The following NACAD variants were observed in gnomAD, a reference collection of about 807,000 sequenced individuals.
The protein encoded by NACAD is NAC-alpha domain-containing protein 1.
NACAD carries 47 observed loss-of-function variants against 98.9 expected under a neutral mutation model. The ratio of observed to expected loss-of-function variants is 0.48; its 90% CI spans 0.38 to 0.61. The LOEUF (loss-of-function observed/expected upper bound fraction) is 0.61, where lower values mean the gene tolerates loss of function less well. Among genes scored for constraint, NACAD ranks in the 20% least tolerant of loss-of-function variants. NACAD has a pLI of 0.00. For synonymous variants in NACAD, 696 were observed against 767.2 expected (o/e 0.91, Z 1.53); for missense variants, 1,412 against 1,748.2 (o/e 0.81, Z 3.43).
chr7:45,081,766 A>G lies in NACAD; in HGVS notation c.4174T>C (p.Cys1392Arg). Residue 1392 changes from cysteine to arginine, a missense_variant, in exon 3 of 8, where the codon TGT becomes CGT. Physicochemically the swap from Cys to Arg is radical, Grantham distance 180. Around this residue, in one of 5 missense-constraint regions of NACAD, gnomAD observed 572 missense variants for 639.6 expected, o/e 0.89. Coordinates refer to ENST00000490531, the MANE Select transcript of NACAD (RefSeq NM_001146334.2). ...CCTGGACTGGGCACCTGGGCTGGAC[A>G]CTGCACGGTCTGAGGAGCCAAGATG... is the stretch of plus-strand genomic sequence containing the variant. ...QDILAPQTVQ[C>R]PAQAPAGGSE... is the part of the protein sequence containing the mutation. The G allele has an allele frequency of 1.3e-6, 2 of 1,551,098 alleles. No homozygotes were observed. Among genetic ancestry groups the G allele is most frequent in the Non-Finnish European group, 1.7e-6 (2 of 1,146,974 alleles).
chr7:45,082,125 T>A lies in NACAD; in HGVS notation c.4055A>T (p.Glu1352Val), dbSNP rs565378676. The A allele has an allele frequency of 1.0e-4, 148 of 1,479,288 alleles. 1 individual carries two copies. In the East Asian group the frequency reaches 3.5e-3, roughly 35 times the overall value. 91.6% of individuals were successfully genotyped at this position (1,479,288 alleles called of 1,614,324 possible). A position where few individuals can be genotyped will look rare whatever the true frequency, so the allele number is the denominator to read the frequency against. ...GLSAPEQQEDEDSLEEDSPRA... is the reference protein window; with the variant it reads ...GLSAPEQQEDVDSLEEDSPRA... Reference sequence around the variant, plus strand: ...TGCCTTACCTTCCTCCAGGCTGTCCTCATCCTCTTGCTGCTCGGGGGCTGA... The same window carrying A: ...TGCCTTACCTTCCTCCAGGCTGTCCACATCCTCTTGCTGCTCGGGGGCTGA... The change falls in exon 2 of 8, where the codon GAG becomes GTG. Residue 1352 changes from glutamate (E) to valine (V), a missense_variant. By Grantham distance (121) the Glu-to-Val change is moderately radical. Transcript: ENST00000490531. This position sits in a 1 kb window ranked among gnomAD's most constrained non-coding sequence, Gnocchi z 4.5.
Position 45,082,397 on chromosome 7 carries a change from G to A in NACAD, c.3783C>T (p.Asp1261=), listed in dbSNP as rs543068177. 9.1e-5 allele frequency: 141 copies of A among 1,549,676 alleles called. No individual in the cohort carries two copies. The African/African-American group carries it at 1.7e-3, about 19-fold the overall frequency. The stretch of plus-strand genomic sequence containing the variant: ...GGCCCAGAGAGCCTGGGGGCTCCTC[G>A]TCTTCCACAGAGTCTTCCTGGGGGT... ...CQDPQEDSVE[D]EEPPGSLGLP... is the part of the protein sequence containing the mutation. The change falls in exon 2 of 8, where the codon GAC becomes GAT. Residue 1261 remains aspartate, a synonymous_variant. Coordinates refer to ENST00000490531, the MANE Select transcript of NACAD (RefSeq NM_001146334.2). The surrounding 1 kb of genome is among the most constrained non-coding windows in gnomAD (Gnocchi z 4.5).
At position 45,080,474 on chromosome 7, in the gene NACAD, G is replaced by A; in HGVS notation, c.*35C>T. On this transcript the variant is annotated 3_prime_UTR_variant, in exon 8 of 8. Coordinates refer to ENST00000490531, the MANE Select transcript of NACAD (RefSeq NM_001146334.2). ...GATTTATTGAGTAGCAGAGCTGAGG[G>A]AAGGCGTAGGATGGCTCCAGCTTCC... The A allele has an allele frequency of 6.4e-7, 1 of 1,551,410 alleles. No individual in the cohort carries two copies. Among genetic ancestry groups the A allele is most frequent in the South Asian group, 1.2e-5 (1 of 84,062 alleles).
Position 45,082,542 on chromosome 7 carries a change from G to A in NACAD, c.3638C>T (p.Ala1213Val), listed in dbSNP as rs992119186. The A allele has an allele frequency of 1.4e-5, 22 of 1,548,956 alleles. No individual in the cohort carries two copies. The African/African-American group carries it at 2.7e-4, about 19-fold the overall frequency. The change falls in exon 2 of 8, where the codon GCC becomes GTC. Residue 1213 changes from alanine (A) to valine (V), a missense_variant. This residue lies in a region of NACAD where 572 missense variants were observed against 639.6 expected (regional missense o/e 0.89). Coordinates refer to ENST00000490531, the MANE Select transcript of NACAD (RefSeq NM_001146334.2). The surrounding 1 kb of genome is among the most constrained non-coding windows in gnomAD (Gnocchi z 4.5). ...CACGGGCGTGCTGGGCTGACCCTTGGCAAGGTTTTCTGGGGGCTGCAGCAA... is the reference window on the plus strand; with the variant it reads ...CACGGGCGTGCTGGGCTGACCCTTGACAAGGTTTTCTGGGGGCTGCAGCAA... ...TPLLQPPENL[A>V]KGQPSTPVDR...
intron 6 of NACAD, 23 bp from the exon 7 acceptor site, chr7:45,080,785 G>T (rs1245465608): frequency 1.3e-6 from 2 of 1,550,362 alleles, no homozygotes; most frequent in African/African-American, 2.7e-5. Context: ...GAGCAGGGAA[G>T]TGGCTGGAGC....
At position 45,084,441 on chromosome 7, in the gene NACAD, A is replaced by G; in HGVS notation, c.1739T>C (p.Val580Ala). The change falls in exon 2 of 8, where the codon GTA becomes GCA. Residue 580 changes from valine (V) to alanine (A), a missense_variant. By Grantham distance (64) the Val-to-Ala change is moderately conservative. This residue lies in a region of NACAD where 72 missense variants were observed against 198.0 expected (regional missense o/e 0.36). Coordinates refer to ENST00000490531, the MANE Select transcript of NACAD (RefSeq NM_001146334.2). ...GLDLPSGRKP[V>A]AAATIVPRQA... ...CCTGGGGACAATCGTGGCTGCAGCT[A>G]CAGGCTTTCTGCCAGAGGGGAGGTC... 3 of 1,552,000 alleles carry G rather than the reference A, an allele frequency of 1.9e-6. No individual in the cohort carries two copies. The highest frequency in any genetic ancestry group is 2.6e-6 in the Non-Finnish European group (3 of 1,147,058).
Position 45,081,875 on chromosome 7 carries a change from AG to A in NACAD, c.4073-9del. 2 of 1,542,954 alleles carry A rather than the reference AG, an allele frequency of 1.3e-6. No homozygotes were observed. ...CCAGGGCCCGAGGCGAGTCTGGGGA[AG>A]GGGAGAGGTGTGAGGATGGCCTTTT... On this transcript the variant is annotated splice_polypyrimidine_tract_variant and intron_variant, in intron 2 of 7. Coordinates refer to ENST00000490531, the MANE Select transcript of NACAD (RefSeq NM_001146334.2).
At chr7:45,081,716 G>C in intron 3 of NACAD, 39 bp downstream of exon 3, 1 of 1,551,042 alleles carries the variant, frequency 6.4e-7, no homozygotes, top group Non-Finnish European at 8.7e-7. Flanking sequence ...GGGGTGTGGG[G>C]CCCTCCCAGA....
At position 45,082,161 on chromosome 7, in the gene NACAD, G is replaced by T; in HGVS notation, c.4019C>A (p.Pro1340His). The change falls in exon 2 of 8, where the codon CCT becomes CAT. Residue 1340 changes from proline to histidine, a missense_variant. By Grantham distance (77) the Pro-to-His change is moderately conservative. Around this residue, in one of 5 missense-constraint regions of NACAD, gnomAD observed 572 missense variants for 639.6 expected, o/e 0.89. Coordinates refer to ENST00000490531, the MANE Select transcript of NACAD (RefSeq NM_001146334.2). This position sits in a 1 kb window ranked among gnomAD's most constrained non-coding sequence, Gnocchi z 4.5. ...CTGCTCGGGGGCTGAGAGCCCTTGAGGGCCAGCTGGGCTCTGGGGCCCAGA... is the reference window on the plus strand; with the variant it reads ...CTGCTCGGGGGCTGAGAGCCCTTGATGGCCAGCTGGGCTCTGGGGCCCAGA... ...PPSGPQSPAGPQGLSAPEQQE... is the reference protein window; with the variant it reads ...PPSGPQSPAGHQGLSAPEQQE... The T allele has an allele frequency of 6.7e-7, 1 of 1,501,698 alleles. No individual in the cohort carries two copies. The allele number at this position is 1,501,698 out of a possible 1,614,324, so 93.0% of individuals were successfully genotyped here. A position where few individuals can be genotyped will look rare whatever the true frequency, so the allele number is the denominator to read the frequency against.
At position 45,084,613 on chromosome 7, in the gene NACAD, C is replaced by T. The variant is rs912658956; in HGVS notation, c.1567G>A (p.Ala523Thr). Residue 523 changes from alanine (A) to threonine (T), a missense_variant, in exon 2 of 8, where the codon GCA becomes ACA. Ala to Thr is a moderately conservative substitution (Grantham distance 58). This residue lies in a region of NACAD where 638 missense variants were observed against 722.7 expected (regional missense o/e 0.88). Transcript: ENST00000490531. ...STAGQESAAMAMPQPSQEGIS... is the reference protein window; with the variant it reads ...STAGQESAAMTMPQPSQEGIS... ...CCCTCCTGGGAGGGCTGAGGCATTGCCATGGCAGCAGATTCTTGTCCAGCG... is the reference window on the plus strand; with the variant it reads ...CCCTCCTGGGAGGGCTGAGGCATTGTCATGGCAGCAGATTCTTGTCCAGCG... The T allele has an allele frequency of 1.9e-6, 3 of 1,551,700 alleles. No individual in the cohort carries two copies. Among genetic ancestry groups the T allele is most frequent in the Non-Finnish European group, 2.6e-6 (3 of 1,147,002 alleles).
rs1310905673 is a variant in NACAD, at chr7:45,080,449, G to A, written c.*60C>T. On this transcript the variant is annotated 3_prime_UTR_variant, in exon 8 of 8. Transcript: ENST00000490531. ...CACCAGAGGGCAATGAAGGGACACC[G>A]ATTTATTGAGTAGCAGAGCTGAGGG... The A allele has an allele frequency of 3.2e-6, 5 of 1,550,584 alleles. No individual in the cohort carries two copies. The highest frequency in any genetic ancestry group is 3.5e-6 in the Non-Finnish European group (4 of 1,146,306).
chr7:45,086,780 G>A (rs563159039), intron 1 of NACAD, among the ~76,000 whole-genome samples: 16 of 152,360 alleles, frequency 1.1e-4, no homozygotes, highest in African/African-American at 3.1e-4. Flanking sequence ...GAAGTGTCCC[G>A]TGGAGGCTTT....
Position 45,083,272 on chromosome 7 carries a change from C to T in NACAD, c.2908G>A (p.Gly970Ser), listed in dbSNP as rs563180444. The T allele has an allele frequency of 5.8e-6, 9 of 1,551,120 alleles. No individual in the cohort carries two copies. The African/African-American group carries it at 8.2e-5, about 14-fold the overall frequency. Residue 970 changes from glycine to serine, a missense_variant, in exon 2 of 8, where the codon GGT becomes AGT. Physicochemically the swap from Gly to Ser is moderately conservative, Grantham distance 56 (BLOSUM62 0). This residue lies in a region of NACAD where 572 missense variants were observed against 639.6 expected (regional missense o/e 0.89). Transcript: ENST00000490531. ...PVATMAQQEV[G>S]EALGPRPAPE... ...GCTGGCCTGGGGCCTAAGGCCTCACCTACTTCCTGCTGAGCCATGGTGGCC... is the reference window on the plus strand; with the variant it reads ...GCTGGCCTGGGGCCTAAGGCCTCACTTACTTCCTGCTGAGCCATGGTGGCC...
At position 45,088,831 on chromosome 7, in the gene NACAD, T is replaced by C; in HGVS notation, c.64A>G (p.Thr22Ala). The C allele has an allele frequency of 6.7e-7, 1 of 1,492,966 alleles. No homozygotes were observed. The highest frequency in any genetic ancestry group is 8.9e-7 in the Non-Finnish European group (1 of 1,126,400). 92.5% of individuals were successfully genotyped at this position (1,492,966 alleles called of 1,614,324 possible). A position where few individuals can be genotyped will look rare whatever the true frequency, so the allele number is the denominator to read the frequency against. The change falls in exon 1 of 8, where the codon ACA becomes GCA. Residue 22 changes from threonine to alanine, a missense_variant. This residue lies in a region of NACAD where 638 missense variants were observed against 722.7 expected (regional missense o/e 0.88). Transcript: ENST00000490531. The surrounding 1 kb of genome is among the most constrained non-coding windows in gnomAD (Gnocchi z 5.7). Reference sequence around the variant, plus strand: ...GAAAGAGTGGCCACGGCCTCACCTGTGCGGGGCCCGGGTCGGTCCGCCTCG... The same window carrying C: ...GAAAGAGTGGCCACGGCCTCACCTGCGCGGGGCCCGGGTCGGTCCGCCTCG... Reference protein sequence around the residue: ...LPEADRPGPRTDLSCDAAAAT... With the variant: ...LPEADRPGPRADLSCDAAAAT...
At position 45,080,875 on chromosome 7, in the gene NACAD, C is replaced by G; in HGVS notation, c.4551+1G>C. 6.4e-7 allele frequency: 1 copy of G among 1,556,208 alleles called. No individual in the cohort carries two copies. The highest frequency in any genetic ancestry group is 8.7e-7 in the Non-Finnish European group (1 of 1,149,792). ...GAGGCCCTGGAGCCCCTGCACTTCA[C>G]CTCTTCCTCCTCCTCCTCTTCCTCT... On this transcript the variant is annotated splice_donor_variant, in intron 6 of 7. Coordinates refer to ENST00000490531, the MANE Select transcript of NACAD (RefSeq NM_001146334.2). LOFTEE classifies it high-confidence loss of function.
chr7:45,081,836 A>G lies in NACAD; in HGVS notation c.4104T>C (p.His1368=), dbSNP rs1784435107. 1 of 1,548,538 alleles carries G rather than the reference A, an allele frequency of 6.5e-7. No individual in the cohort carries two copies. The part of the protein sequence containing the change: ...DSPRALGSGQ[H]SDSHGESSAE... Reference sequence around the variant, plus strand: ...CTGATGACTCCCCGTGGCTATCCGAATGCTGGCCCGAGCCCAGGGCCCGAG... The same window carrying G: ...CTGATGACTCCCCGTGGCTATCCGAGTGCTGGCCCGAGCCCAGGGCCCGAG... The change falls in exon 3 of 8, where the codon CAT becomes CAC. Residue 1368 remains histidine, a synonymous_variant. Coordinates refer to ENST00000490531, the MANE Select transcript of NACAD (RefSeq NM_001146334.2).
Position 45,088,772 on chromosome 7 carries a change from A to C in NACAD, c.67+56T>G. 7.2e-7 allele frequency: 1 copy of C among 1,395,062 alleles called. No individual in the cohort carries two copies. The allele number at this position is 1,395,062 out of a possible 1,614,324, so 86.4% of individuals were successfully genotyped here. ...GTGAAAGGTGAGCGATGGAAAGAGA[A>C]CCCGGGCTGGAGAGGGGAGAGGCTG... On this transcript the variant is annotated intron_variant, in intron 1 of 7. Coordinates refer to ENST00000490531, the MANE Select transcript of NACAD (RefSeq NM_001146334.2). This position sits in a 1 kb window ranked among gnomAD's most constrained non-coding sequence, Gnocchi z 5.7.
chr7:45,085,580 T>G lies in NACAD; in HGVS notation c.600A>C (p.Ser200=). 6.5e-7 allele frequency: 1 copy of G among 1,549,404 alleles called. No homozygotes were observed. Among genetic ancestry groups the G allele is most frequent in the Non-Finnish European group, 8.7e-7 (1 of 1,146,696 alleles). The part of the protein sequence containing the change: ...ACGPHGDARD[S]EAELRDELLD... ...GCAGCTCATCCCGCAGCTCAGCCTC[T>G]GAGTCCCTGGCGTCCCCGTGGGGCC... Residue 200 remains serine (S), a synonymous_variant, in exon 2 of 8, where the codon TCA becomes TCC. Transcript: ENST00000490531. This position sits in a 1 kb window ranked among gnomAD's most constrained non-coding sequence, Gnocchi z 6.1.
At chr7:45,081,405 G>GGGCTGGTGGTTGGT in intron 4 of NACAD, 142 bp from the exon 5 acceptor site, 1 of 1,310,408 alleles carries the variant, frequency 7.6e-7, no homozygotes, top group South Asian at 1.5e-5. Context: ...TTCCCCATGA[G>GGGCTGGTGGTTGGT]CCTCAGTCTA....
Sources: allele counts gnomAD v4.1 joint callset (sites outside exome capture counted in the v4.1 genomes callset), GRCh38; gene constraint gnomAD v4.1.1; regional missense constraint gnomAD v4.1.1; non-coding constraint Gnocchi (gnomAD v3.1); transcripts MANE v1.5; gene names NCBI Gene and HGNC (gene_info 2026-07-23, HGNC 2026-07-21).